Variants in SNCAIP observed in about 807,000 individuals in gnomAD.
SNCAIP encodes synuclein alpha interacting protein.
In SNCAIP, 43 loss-of-function variants were observed where a neutral mutation model predicts 86.7. The ratio of observed to expected loss-of-function variants is 0.50; its 90% CI spans 0.39 to 0.64. The LOEUF (loss-of-function observed/expected upper bound fraction) is 0.64, where lower values mean the gene tolerates loss of function less well. Ranked by LOEUF, SNCAIP falls within the 30% of genes least tolerant of loss-of-function variation. SNCAIP has a pLI of 0.00. For missense variants in SNCAIP, 981 were observed against 1,103.1 expected (o/e 0.89, Z 1.57); for synonymous variants, 417 against 427.2 (o/e 0.98, Z 0.29).
intron 1 of SNCAIP, among the ~76,000 whole-genome samples, chr5:122,383,877 T>C (rs967766102): frequency 2.5e-4 from 38 of 152,214 alleles, no homozygotes; most frequent in African/African-American, 8.9e-4. Flanking sequence ...CAATTTTCTT[T>C]AAAGGTGAAG....
intron 1 of SNCAIP, among the ~76,000 whole-genome samples, chr5:122,324,484 C>T (rs1018537459): frequency 1.3e-5 from 2 of 152,196 alleles, no homozygotes; most frequent in African/African-American, 4.8e-5. Flanking sequence ...TTCACAGTGT[C>T]TGGTATGTAT....
At chr5:122,368,487 A>G (rs769811219) in intron 1 of SNCAIP, among the ~76,000 whole-genome samples, 16 of 152,164 alleles carry the variant, frequency 1.1e-4, no homozygotes, top group Admixed American at 3.3e-4. Flanking sequence ...ACTCAAGCCC[A>G]TGCCACACAA....
intron 1 of SNCAIP, among the ~76,000 whole-genome samples, chr5:122,337,651 G>A (rs1367681784): frequency 6.6e-6 from 1 of 152,154 alleles, no homozygotes; most frequent in Non-Finnish European, 1.5e-5. Context: ...TGATTTTCCT[G>A]CCTCAGCCTC....
intron 3 of SNCAIP, among the ~76,000 whole-genome samples, chr5:122,411,011 A>T (rs1239401526): frequency 6.6e-6 from 1 of 152,188 alleles, no homozygotes; most frequent in Non-Finnish European, 1.5e-5. Flanking sequence ...ACAAGACAGT[A>T]TTTGAGGGAA....
chr5:122,439,959 T>C (rs2152968117), intron 6 of SNCAIP, among the ~76,000 whole-genome samples: 1 of 152,360 alleles, frequency 6.6e-6, no homozygotes, highest in Non-Finnish European at 1.5e-5. Flanking sequence ...AAGGTTTGCG[T>C]TCCAAGCTTT....
intron 5 of SNCAIP, among the ~76,000 whole-genome samples, chr5:122,431,331 A>T (rs1442004566): frequency 6.6e-6 from 1 of 152,212 alleles, no homozygotes; most frequent in Non-Finnish European, 1.5e-5. Context: ...ATATCCCCTA[A>T]GTGGAAACAA....
intron 1 of SNCAIP, among the ~76,000 whole-genome samples, chr5:122,333,997 G>A (rs1454785996): frequency 6.6e-6 from 1 of 152,166 alleles, no homozygotes; most frequent in East Asian, 1.9e-4. Context: ...GAAGAGATCA[G>A]CATAGAAGAC....
At chr5:122,456,986 G>C (rs1581437615) in intron 10 of SNCAIP, among the ~76,000 whole-genome samples, 1 of 152,174 alleles carries the variant, frequency 6.6e-6, no homozygotes, top group African/African-American at 2.4e-5. Context: ...GTAGTTTCAT[G>C]TTTTTTATTT....
At chr5:122,431,378 T>G (rs1213338902) in intron 5 of SNCAIP, among the ~76,000 whole-genome samples, 1 of 152,132 alleles carries the variant, frequency 6.6e-6, no homozygotes, top group East Asian at 1.9e-4. Flanking sequence ...GATAAATAAA[T>G]TGTGGTATAA....
At chr5:122,392,625 T>G (rs913455017) in intron 2 of SNCAIP, among the ~76,000 whole-genome samples, 1 of 152,200 alleles carries the variant, frequency 6.6e-6, no homozygotes, top group Non-Finnish European at 1.5e-5. Flanking sequence ...CTCTCCGAAC[T>G]TTGATAATGA....
chr5:122,439,644 A>C (rs1315163629), intron 6 of SNCAIP, among the ~76,000 whole-genome samples: 1 of 152,224 alleles, frequency 6.6e-6, no homozygotes, highest in Middle Eastern at 3.2e-3. Context: ...GAGCAGTCGG[A>C]GCAAACAACT....
At chr5:122,406,323 A>G (rs1391207311) in intron 3 of SNCAIP, among the ~76,000 whole-genome samples, 2 of 152,200 alleles carry the variant, frequency 1.3e-5, no homozygotes, top group African/African-American at 2.4e-5. Context: ...CAGGAAAGCT[A>G]GCAGATTTCT....
chr5:122,314,238 A>G (rs1265876509), intron 1 of SNCAIP, among the ~76,000 whole-genome samples: 1 of 152,274 alleles, frequency 6.6e-6, no homozygotes, highest in Non-Finnish European at 1.5e-5. Flanking sequence ...AGGGAAACCC[A>G]CACAAACATC....
intron 6 of SNCAIP, 133 bp downstream of exon 6, chr5:122,432,215 T>C (rs1778555652): frequency 1.5e-6 from 1 of 648,764 alleles, no homozygotes; most frequent in Non-Finnish European, 2.8e-6. Flanking sequence ...CCAATGATAT[T>C]TGTTGTTATT....
intron 1 of SNCAIP, among the ~76,000 whole-genome samples, chr5:122,375,561 A>T (rs1005336134): frequency 2.0e-5 from 3 of 150,802 alleles, no homozygotes; most frequent in African/African-American, 7.3e-5. Flanking sequence ...CCAAACTGAG[A>T]CCTGGTTCTA....
At chr5:122,439,881 C>T (rs532203539) in intron 6 of SNCAIP, among the ~76,000 whole-genome samples, 1 of 152,312 alleles carries the variant, frequency 6.6e-6, no homozygotes, top group South Asian at 2.1e-4. Context: ...CCACAAAACA[C>T]TCAGTGGGTA....
intron 1 of SNCAIP, among the ~76,000 whole-genome samples, chr5:122,368,035 T>C (rs2152783715): frequency 6.6e-6 from 1 of 152,266 alleles, no homozygotes; most frequent in South Asian, 2.1e-4. Context: ...TTAACCCAAG[T>C]CTTCTGACTT....
chr5:122,370,985 G>A (rs1032274276), intron 1 of SNCAIP, among the ~76,000 whole-genome samples: 2 of 152,072 alleles, frequency 1.3e-5, no homozygotes, highest in African/African-American at 4.8e-5. Flanking sequence ...GCTGCCTGCT[G>A]TTTAGAGTTT....
chr5:122,358,159 T>TTG (rs36222259), intron 1 of SNCAIP, among the ~76,000 whole-genome samples: 2,687 of 138,012 alleles, frequency 0.019, 43 homozygotes, highest in South Asian at 0.059. Flanking sequence ...ATTTGTTTCT[T>TTG]TGTGTGTGTG....
Sources: gnomAD v4.1 joint callset for allele counts (sites outside exome capture counted in the v4.1 genomes callset) on GRCh38, gnomAD v4.1.1 for gene constraint, MANE v1.5 for transcripts, NCBI Gene and HGNC (gene_info 2026-07-23, HGNC 2026-07-21) for gene names.